Variants in SLC7A7 observed in about 807,000 individuals in gnomAD.
The protein encoded by SLC7A7 is Y+L amino acid transporter 1.
In SLC7A7, 39 loss-of-function variants were observed where a neutral mutation model predicts 47.9. The observed-to-expected ratio is 0.81, with a 90% confidence interval of 0.63 to 1.06. SLC7A7 has a LOEUF of 1.06. Ranked by LOEUF, SLC7A7 falls within the 50% of genes least tolerant of loss-of-function variation. The probability of loss-of-function intolerance (pLI) is 0.00; values close to 1 mark genes in which losing one functional copy is unlikely to be tolerated. For synonymous variants in SLC7A7, 234 were observed against 242.8 expected, an observed-to-expected ratio of 0.96 and a Z score of 0.34; for missense variants, 588 against 632.0, an observed-to-expected ratio of 0.93 and a Z score of 0.75.
rs763327374 is a variant in SLC7A7, at chr14:22,776,315, G to T, written c.774C>A (p.Asn258Lys). ...TGGAGATGCCAATGGAGAGGGGCAG[G>T]TTCCTACAGCCAAATAGAATAAAAT... Reference protein sequence around the residue: ...VTEEIKNPERNLPLSIGISMP... With the variant: ...VTEEIKNPERKLPLSIGISMP... The change falls in exon 5 of 10, where the codon AAC becomes AAA. Residue 258 changes from asparagine to lysine, a missense_variant. Asn to Lys is a moderately conservative substitution (Grantham distance 94, BLOSUM62 0). Coordinates refer to ENST00000674313, the MANE Select transcript of SLC7A7 (RefSeq NM_003982.4). 1.9e-6 allele frequency: 3 copies of T among 1,614,154 alleles called. No homozygotes were observed. The highest frequency in any genetic ancestry group is 2.5e-6 in the Non-Finnish European group (3 of 1,180,018).
chr14:22,775,045 C>T (rs1214803153), intron 7 of SLC7A7, among the ~76,000 whole-genome samples: 1 of 152,062 alleles, frequency 6.6e-6, no homozygotes, highest in African/African-American at 2.4e-5. Context: ...CAACCCTAGC[C>T]ATCAAGATGC....
intron 2 of SLC7A7, among the ~76,000 whole-genome samples, chr14:22,782,908 G>A (rs1285356953): frequency 1.3e-5 from 2 of 151,726 alleles, no homozygotes; most frequent in African/African-American, 4.8e-5. Context: ...GATCAAAGGT[G>A]TGCACCACCA....
intron 2 of SLC7A7, among the ~76,000 whole-genome samples, chr14:22,795,708 T>C (rs2065043): frequency 0.96 from 146,213 of 151,730 alleles, 70,654 homozygotes; most frequent in East Asian, 1. Context: ...CTCCTGACCT[T>C]GTGATCTGCC....
At chr14:22,783,167 T>C (rs1311411327) in intron 2 of SLC7A7, among the ~76,000 whole-genome samples, 2 of 151,350 alleles carry the variant, frequency 1.3e-5, no homozygotes, top group Non-Finnish European at 2.9e-5. Context: ...CTCCTGACCT[T>C]GTGATCTGCC....
At chr14:22,780,922 G>A (rs781042057) in intron 2 of SLC7A7, among the ~76,000 whole-genome samples, 8 of 152,010 alleles carry the variant, frequency 5.3e-5, no homozygotes, top group Non-Finnish European at 1.0e-4. Context: ...TACAATCTAC[G>A]ACTTGAATTT....
chr14:22,782,714 G>A (rs1246841784), intron 2 of SLC7A7, among the ~76,000 whole-genome samples: 4 of 150,846 alleles, frequency 2.7e-5, no homozygotes, highest in African/African-American at 2.4e-5. Flanking sequence ...CGCCCACCTC[G>A]GCCTCCCAAA....
chr14:22,806,397 A>G (rs909702703), intron 2 of SLC7A7, among the ~76,000 whole-genome samples: 9 of 151,494 alleles, frequency 5.9e-5, no homozygotes, highest in Non-Finnish European at 7.4e-5. Context: ...GGGTTTCACC[A>G]TATCGACCTC....
In SLC7A7 at chr14:22,794,400, C is replaced by A. The variant is rs375847213; in HGVS notation, c.500-14349G>T. Among the ~76,000 whole-genome samples the A allele has an allele frequency of 6.7e-4, 102 of 152,314 alleles. 2 individuals are homozygous for A. The South Asian group carries it at 0.02, about 30-fold the overall frequency. ...TGACCACTCTGAGGGAGCAAGCAGG[C>A]AGTTTGTACCAGGAGGGTCTTATAG... is the stretch of plus-strand genomic sequence containing the variant. On this transcript the variant is annotated intron_variant, in intron 2 of 9. Coordinates refer to ENST00000674313, the MANE Select transcript of SLC7A7 (RefSeq NM_003982.4).
rs146026568 is a variant in SLC7A7 at position 22,790,224 on chromosome 14, G to T, written c.500-10173C>A. ...TGCACCTGTAGTCTCAACTACTCAG[G>T]AGGCTAAGGTGGGAGAATTGCTTGA... On this transcript the variant is annotated intron_variant, in intron 2 of 9. Coordinates refer to ENST00000674313, the MANE Select transcript of SLC7A7 (RefSeq NM_003982.4). 3.7e-3 allele frequency among the ~76,000 whole-genome samples: 553 copies of T among 150,742 alleles called. 6 individuals carry two copies. Among genetic ancestry groups the T allele is most frequent in the African/African-American group, 0.013 (529 of 41,064 alleles).
At chr14:22,814,996 G>C (rs1358354286) in intron 1 of SLC7A7, 3 of 237,900 alleles carry the variant, frequency 1.3e-5, no homozygotes, top group African/African-American at 4.5e-5. Context: ...ACCCAAAAAA[G>C]TATGAATGAG....
intron 2 of SLC7A7, among the ~76,000 whole-genome samples, chr14:22,795,430 C>T (rs1250224839): frequency 7.7e-6 from 1 of 130,708 alleles, no homozygotes; most frequent in Non-Finnish European, 1.6e-5. Context: ...TTCTTTCTTT[C>T]TTTCTTTCTT....
chr14:22,776,031 A>C (rs2038598231), intron 5 of SLC7A7, 95 bp from the exon 6 acceptor site: 2 of 1,421,944 alleles, frequency 1.4e-6, no homozygotes, highest in Non-Finnish European at 2.0e-6. Context: ...TAGGTATTCC[A>C]ACCTTTCTTC....
At chr14:22,809,293 G>C (rs1199972057) in intron 2 of SLC7A7, among the ~76,000 whole-genome samples, 1 of 149,448 alleles carries the variant, frequency 6.7e-6, no homozygotes, top group Non-Finnish European at 1.5e-5. Context: ...TTCCTCCTGT[G>C]TCAGCCTCCC....
chr14:22,803,161 T>A (rs1409142554), intron 2 of SLC7A7, among the ~76,000 whole-genome samples: 1 of 152,108 alleles, frequency 6.6e-6, no homozygotes, highest in African/African-American at 2.4e-5. Context: ...GGCTCATGCC[T>A]GTAATCCCAG....
Position 22,793,816 on chromosome 14 carries a change from GA to G in SLC7A7, c.500-13766del, listed in dbSNP as rs372467034. Among the ~76,000 whole-genome samples, 451 of 143,584 alleles carry G rather than the reference GA, an allele frequency of 3.1e-3. 3 individuals carry two copies. Among genetic ancestry groups the G allele is most frequent in the African/African-American group, 9.9e-3 (389 of 39,270 alleles). The allele number at this position is 143,584 out of a possible 152,430, so 94.2% of individuals were successfully genotyped here. ...GGGTGACAGAGCAAGACTCCATCTC[GA>G]AAAAAAAAAAGAAATTATGGTTTAG... On this transcript the variant is annotated intron_variant, in intron 2 of 9. Transcript: ENST00000674313.
intron 2 of SLC7A7, among the ~76,000 whole-genome samples, chr14:22,808,052 C>T (rs1343684312): frequency 6.6e-6 from 1 of 151,926 alleles, no homozygotes; most frequent in Non-Finnish European, 1.5e-5. Flanking sequence ...ATCCCAGCTG[C>T]TCAGGAGGCT....
chr14:22,805,488 T>C (rs900998861), intron 2 of SLC7A7, among the ~76,000 whole-genome samples: 1 of 152,176 alleles, frequency 6.6e-6, no homozygotes, highest in African/African-American at 2.4e-5. Flanking sequence ...CTGGAAGCCA[T>C]TATCCTCAGC....
rs1348591369 is a variant in SLC7A7 at position 22,805,925 on chromosome 14, G to A, written c.499+6975C>T. Reference sequence around the variant, plus strand: ...TGGGAGGCTGAGGCGGGCAGATCACGAGGTCAGGAGATTGAGACCATCCTG... The same window carrying A: ...TGGGAGGCTGAGGCGGGCAGATCACAAGGTCAGGAGATTGAGACCATCCTG... On this transcript the variant is annotated intron_variant, in intron 2 of 9. Transcript: ENST00000674313. 3.3e-5 allele frequency among the ~76,000 whole-genome samples: 5 copies of A among 151,600 alleles called. No homozygotes were observed. In the South Asian group the frequency reaches 6.2e-4, roughly 19 times the overall value.
chr14:22,795,619 C>T (rs3934210), intron 2 of SLC7A7, among the ~76,000 whole-genome samples: 146,239 of 151,786 alleles, frequency 0.96, 70,663 homozygotes, highest in East Asian at 1. Flanking sequence ...GGACCACAGG[C>T]GCCTGCCACC....
Sources: allele counts gnomAD v4.1 joint callset (sites outside exome capture counted in the v4.1 genomes callset), GRCh38; gene constraint gnomAD v4.1.1; transcripts MANE v1.5; gene names NCBI Gene and HGNC (gene_info 2026-07-23, HGNC 2026-07-21).